SUSD1: variants seen among roughly 807,000 people sequenced by gnomAD.
SUSD1 encodes the protein sushi domain containing 1, also known as sushi domain-containing protein 1.
In SUSD1, 65 loss-of-function variants were observed where a neutral mutation model predicts 86.9. The ratio of observed to expected loss-of-function variants is 0.75; its 90% CI spans 0.61 to 0.92. The LOEUF (loss-of-function observed/expected upper bound fraction) is 0.92, where lower values mean the gene tolerates loss of function less well. SUSD1 is among the 40% of genes least tolerant of loss of function. The probability of loss-of-function intolerance (pLI) is 0.00; values close to 1 mark genes in which losing one functional copy is unlikely to be tolerated. For synonymous variants in SUSD1, 346 were observed against 350.0 expected, an observed-to-expected ratio of 0.99 and a Z score of 0.13; for missense variants, 850 against 929.7, an observed-to-expected ratio of 0.91 and a Z score of 1.11.
chr9:112,080,047 T>C lies in SUSD1; in HGVS notation c.1566+27A>G, dbSNP rs1248977667. ...GCCTCCCACATAAGACAACCATCTA[T>C]AAATACAGTAACTTTCAGTCACTTA... is the stretch of plus-strand genomic sequence containing the variant. On this transcript the variant is annotated intron_variant, in intron 11 of 16. Coordinates refer to ENST00000374270, the MANE Select transcript of SUSD1 (RefSeq NM_022486.5). 3.2e-6 allele frequency: 5 copies of C among 1,540,962 alleles called. No individual in the cohort carries two copies. The East Asian group carries it at 6.8e-5, about 21-fold the overall frequency.
At position 112,041,408 on chromosome 9, in the gene SUSD1, G is replaced by C. The variant is rs960496726; in HGVS notation, c.*84C>G. ...CATGCTCCCTGGACGGAAGTCACACGGAGCCTCTGTGCGGGCACCTGAGAA... is the reference window on the plus strand; with the variant it reads ...CATGCTCCCTGGACGGAAGTCACACCGAGCCTCTGTGCGGGCACCTGAGAA... On this transcript the variant is annotated 3_prime_UTR_variant, in exon 17 of 17. Coordinates refer to ENST00000374270, the MANE Select transcript of SUSD1 (RefSeq NM_022486.5). The C allele has an allele frequency of 3.9e-6, 3 of 779,060 alleles. No individual in the cohort carries two copies. Among genetic ancestry groups the C allele is most frequent in the Non-Finnish European group, 7.2e-6 (3 of 417,722 alleles). 48.3% of individuals were successfully genotyped at this position (779,060 alleles called of 1,614,324 possible).
At chr9:112,059,490 T>C (rs967605809) in intron 13 of SUSD1, among the ~76,000 whole-genome samples, 15 of 152,222 alleles carry the variant, frequency 9.9e-5, no homozygotes, top group Non-Finnish European at 1.2e-4. Flanking sequence ...ACAGAACTCA[T>C]GTGATTTACA....
At chr9:112,072,483 C>T (rs1219422811) in intron 12 of SUSD1, among the ~76,000 whole-genome samples, 1 of 152,122 alleles carries the variant, frequency 6.6e-6, no homozygotes, top group African/African-American at 2.4e-5. Context: ...TAAATATTTG[C>T]TAAATTAAAT....
intron 2 of SUSD1, among the ~76,000 whole-genome samples, chr9:112,151,751 AATT>A: frequency 6.6e-6 from 1 of 150,414 alleles, no homozygotes; most frequent in Non-Finnish European, 1.5e-5. Context: ...AAAATACAAA[AATT>A]AGGCCGGGTG....
intron 12 of SUSD1, among the ~76,000 whole-genome samples, chr9:112,070,131 G>A (rs531183111): frequency 2.6e-4 from 39 of 152,070 alleles, no homozygotes; most frequent in Non-Finnish European, 3.5e-4. Flanking sequence ...ACAGCCTCCC[G>A]AGTAGCTGGG....
chr9:112,171,838 T>C (rs1834059378), intron 1 of SUSD1, among the ~76,000 whole-genome samples: 1 of 152,190 alleles, frequency 6.6e-6, no homozygotes, highest in Admixed American at 6.5e-5. Flanking sequence ...TCTAAACATC[T>C]TGGACTGACT....
At chr9:112,069,492 T>G (rs899932615) in intron 12 of SUSD1, among the ~76,000 whole-genome samples, 26 of 152,130 alleles carry the variant, frequency 1.7e-4, no homozygotes, top group African/African-American at 6.0e-4. Flanking sequence ...CCCACACATG[T>G]CCCCTGGGAA....
At chr9:112,131,879 C>G (rs1221768421) in intron 5 of SUSD1, among the ~76,000 whole-genome samples, 1 of 152,176 alleles carries the variant, frequency 6.6e-6, no homozygotes, top group African/African-American at 2.4e-5. Flanking sequence ...CCCTTACTTT[C>G]CCATTGTCTG....
At chr9:112,062,809 C>T in intron 13 of SUSD1, 128 bp downstream of exon 13, 1 of 556,104 alleles carries the variant, frequency 1.8e-6, no homozygotes, top group Non-Finnish European at 3.2e-6. Flanking sequence ...AAAAGAGGCC[C>T]CAACTGCATT....
chr9:112,101,968 A>G (rs1035433100), intron 9 of SUSD1, among the ~76,000 whole-genome samples: 1 of 152,260 alleles, frequency 6.6e-6, no homozygotes, highest in African/African-American at 2.4e-5. Flanking sequence ...GGCACAGAAA[A>G]TGATAGCAAG....
intron 14 of SUSD1, among the ~76,000 whole-genome samples, chr9:112,054,830 A>T (rs377303520): frequency 1.3e-5 from 2 of 152,296 alleles, no homozygotes; most frequent in African/African-American, 4.8e-5. Context: ...AAATAGACAG[A>T]CTGATCATCA....
intron 6 of SUSD1, among the ~76,000 whole-genome samples, chr9:112,120,691 G>A (rs1484798439): frequency 6.6e-6 from 1 of 152,228 alleles, no homozygotes; most frequent in Non-Finnish European, 1.5e-5. Context: ...AAGGTAGCAG[G>A]CTGAGGATGG....
chr9:112,106,092 C>T (rs1830828001), intron 8 of SUSD1, among the ~76,000 whole-genome samples: 2 of 152,104 alleles, frequency 1.3e-5, no homozygotes, highest in Non-Finnish European at 2.9e-5. Context: ...CATGTTCAAG[C>T]AATTCTCGTG....
At chr9:112,042,355 A>G (rs755214492) in intron 15 of SUSD1, among the ~76,000 whole-genome samples, 1 of 152,108 alleles carries the variant, frequency 6.6e-6, no homozygotes, top group Non-Finnish European at 1.5e-5. Flanking sequence ...ATATTATTTG[A>G]ATTTGGTTTC....
At chr9:112,116,680 A>T (rs1225670227) in intron 6 of SUSD1, among the ~76,000 whole-genome samples, 3 of 152,202 alleles carry the variant, frequency 2.0e-5, no homozygotes, top group Non-Finnish European at 4.4e-5. Context: ...GGTGCAGGTG[A>T]GATATGCAGG....
At chr9:112,122,538 A>C (rs1231470134) in intron 6 of SUSD1, among the ~76,000 whole-genome samples, 1 of 151,778 alleles carries the variant, frequency 6.6e-6, no homozygotes, top group African/African-American at 2.4e-5. Flanking sequence ...CAAGTGATCC[A>C]CTGCCTCAGC....
At chr9:112,135,806 G>T (rs1279357969) in intron 5 of SUSD1, among the ~76,000 whole-genome samples, 3 of 152,168 alleles carry the variant, frequency 2.0e-5, no homozygotes, top group African/African-American at 7.2e-5. Context: ...TTCTGCACTA[G>T]GCACAGGGCC....
In SUSD1 at chr9:112,058,623, G is replaced by A. The variant is rs1291544507; in HGVS notation, c.1914C>T (p.Gly638=). 1.5e-5 allele frequency: 24 copies of A among 1,613,998 alleles called. No homozygotes were observed. The highest frequency in any genetic ancestry group is 1.6e-4 in the Middle Eastern group (1 of 6,084). The part of the protein sequence containing the change: ...LQSTFSCDSE[G]ASSFFSNASD... ...AGGCGTTGCTAAAGAAGGAGGAAGC[G>A]CCTTCAGAATCACAAGAAAATGTGC... is the stretch of plus-strand genomic sequence containing the variant. The change falls in exon 14 of 17, where the codon GGC becomes GGT. Residue 638 remains glycine (G), a synonymous_variant. Coordinates refer to ENST00000374270, the MANE Select transcript of SUSD1 (RefSeq NM_022486.5).
intron 8 of SUSD1, among the ~76,000 whole-genome samples, chr9:112,104,149 A>G (rs186480266): frequency 6.6e-6 from 1 of 151,814 alleles, no homozygotes; most frequent in East Asian, 1.9e-4. Flanking sequence ...CTGAGTAGCT[A>G]GGACTACGGG....
Sources: allele counts gnomAD v4.1 joint callset (sites outside exome capture counted in the v4.1 genomes callset), GRCh38; gene constraint gnomAD v4.1.1; transcripts MANE v1.5; gene names NCBI Gene and HGNC (gene_info 2026-07-23, HGNC 2026-07-21).